The following CSRNP3 variants were observed in gnomAD, a reference collection of about 807,000 sequenced individuals.
CSRNP3 encodes cysteine/serine-rich nuclear protein 3.
In CSRNP3, 12 loss-of-function variants were observed where a neutral mutation model predicts 48.0. The observed-to-expected ratio is 0.25, with a 90% CI of 0.16 to 0.41. The LOEUF is 0.41. Ranked by LOEUF, CSRNP3 falls within the 10% of genes least tolerant of loss-of-function variation. CSRNP3 has a pLI of 1.00. For synonymous variants in CSRNP3, 263 were observed against 269.7 expected (o/e 0.98, Z 0.24); for missense variants, 580 against 724.4 (o/e 0.80, Z 2.29).
chr2:165,594,957 G>A (rs1000024753), intron 3 of CSRNP3, 86 bp from the exon 4 acceptor site: 1 of 1,186,368 alleles, frequency 8.4e-7, no homozygotes, highest in African/African-American at 1.5e-5. Flanking sequence ...TGTATAAAAA[G>A]CCACATAAAA....
intron 1 of CSRNP3, among the ~76,000 whole-genome samples, chr2:165,482,762 A>G (rs984233548): frequency 6.6e-6 from 1 of 152,160 alleles, no homozygotes; most frequent in Admixed American, 6.5e-5. Context: ...GATAAAAATC[A>G]ATGTTCTCAT....
At chr2:165,536,266 A>G (rs187376725) in intron 3 of CSRNP3, among the ~76,000 whole-genome samples, 4 of 151,968 alleles carry the variant, frequency 2.6e-5, no homozygotes, top group African/African-American at 9.7e-5. Context: ...TTGAAAATGC[A>G]GATTCATCTG....
chr2:165,686,151 A>G lies in CSRNP3; in HGVS notation c.*6398A>G, dbSNP rs1266481354. The G allele has an allele frequency of 1.3e-5, 2 of 151,974 alleles. No individual in the cohort carries two copies. Among genetic ancestry groups the G allele is most frequent in the Non-Finnish European group, 2.9e-5 (2 of 67,966 alleles). The allele number at this position is 151,974 out of a possible 1,614,324, so 9.4% of individuals were successfully genotyped here. On this transcript the variant is annotated 3_prime_UTR_variant, in exon 7 of 7. Transcript: ENST00000651982. ...GGATTATCTTAAAAGGTATTTATTA[A>G]TGAGTATTTGGAAGAAAATTGACCT...
chr2:165,552,919 C>A (rs1311687096), intron 3 of CSRNP3, among the ~76,000 whole-genome samples: 1 of 152,054 alleles, frequency 6.6e-6, no homozygotes, highest in Admixed American at 6.6e-5. Flanking sequence ...GTCTTGAATG[C>A]CTGACCTCAG....
intron 4 of CSRNP3, among the ~76,000 whole-genome samples, chr2:165,604,937 T>C (rs1384607905): frequency 6.6e-6 from 1 of 152,174 alleles, no homozygotes; most frequent in African/African-American, 2.4e-5. Context: ...ATTATTTCTG[T>C]CTTCTTATAT....
chr2:165,564,150 A>G lies in CSRNP3; in HGVS notation c.-23-30893A>G, dbSNP rs1470313197. 2.1e-4 allele frequency among the ~76,000 whole-genome samples: 32 copies of G among 152,140 alleles called. 1 individual carries two copies. The highest frequency in any genetic ancestry group is 2.1e-3 in the Admixed American group (32 of 15,260). ...TGTGATTTCTTACAGAAAATTTTCA[A>G]AGAAATCTGTTCATCAATCAAAGCA... On this transcript the variant is annotated intron_variant, in intron 3 of 6. Transcript: ENST00000651982.
Position 165,651,024 on chromosome 2 carries a change from C to T in CSRNP3, c.149-6737C>T, listed in dbSNP as rs181078240. Among the ~76,000 whole-genome samples, 5 of 152,302 alleles carry T rather than the reference C, an allele frequency of 3.3e-5. No individual in the cohort carries two copies. The East Asian group carries it at 9.6e-4, about 29-fold the overall frequency. On this transcript the variant is annotated intron_variant, in intron 4 of 6. Coordinates refer to ENST00000651982, the MANE Select transcript of CSRNP3 (RefSeq NM_001172173.2). ...GCAGGACTTTGCTGATAGGTGTTGACATAAAAAACAACAAGTGTACTTAAA... is the reference window on the plus strand; with the variant it reads ...GCAGGACTTTGCTGATAGGTGTTGATATAAAAAACAACAAGTGTACTTAAA...
intron 3 of CSRNP3, among the ~76,000 whole-genome samples, chr2:165,572,186 G>A (rs1558937661): frequency 6.6e-6 from 1 of 152,012 alleles, no homozygotes; most frequent in African/African-American, 2.4e-5. Context: ...ATTTCCATAA[G>A]TTGTGCTGCA....
intron 3 of CSRNP3, among the ~76,000 whole-genome samples, chr2:165,520,201 T>G (rs1189613203): frequency 6.6e-6 from 1 of 152,198 alleles, no homozygotes; most frequent in Non-Finnish European, 1.5e-5. Context: ...ATCAATTTTG[T>G]GCAATCATTA....
chr2:165,479,709 A>AC (rs1684013760), intron 1 of CSRNP3, among the ~76,000 whole-genome samples: 2 of 151,910 alleles, frequency 1.3e-5, no homozygotes, highest in South Asian at 2.1e-4. Flanking sequence ...ACATAGTGAG[A>AC]CCCCATCCCT....
intron 5 of CSRNP3, among the ~76,000 whole-genome samples, chr2:165,659,539 C>T (rs568330970): frequency 1.3e-5 from 2 of 152,180 alleles, no homozygotes; most frequent in East Asian, 1.9e-4. Flanking sequence ...CAAGAGATGT[C>T]AGGAAGGTAT....
chr2:165,622,277 T>C (rs1023262656), intron 4 of CSRNP3, among the ~76,000 whole-genome samples: 9 of 152,228 alleles, frequency 5.9e-5, no homozygotes, highest in African/African-American at 2.2e-4. Flanking sequence ...CGTTTGGCTT[T>C]ATACATCTTT....
rs563868095 is a variant in CSRNP3 at position 165,657,916 on chromosome 2, C to A, written c.304C>A (p.Arg102Ser). The A allele has an allele frequency of 6.2e-7, 1 of 1,614,066 alleles. No homozygotes were observed. Among genetic ancestry groups the A allele is most frequent in the Non-Finnish European group, 8.5e-7 (1 of 1,179,990 alleles). ...LGMSSRHNSV[R>S]QYTLGEFARE... ...GATGTCCAGCCGCCATAACAGCGTGCGCCAGTACACTCTTGGCGAGTTTGC... is the reference window on the plus strand; with the variant it reads ...GATGTCCAGCCGCCATAACAGCGTGAGCCAGTACACTCTTGGCGAGTTTGC... Residue 102 changes from arginine (R) to serine (S), a missense_variant, in exon 5 of 7, where the codon CGC (arginine) becomes AGC (serine). Coordinates refer to ENST00000651982, the MANE Select transcript of CSRNP3 (RefSeq NM_001172173.2).
intron 3 of CSRNP3, among the ~76,000 whole-genome samples, chr2:165,543,758 C>T (rs1684987671): frequency 1.3e-5 from 2 of 151,798 alleles, no homozygotes; most frequent in South Asian, 2.1e-4. Flanking sequence ...AATAGCATCA[C>T]GTAAAATGGG....
chr2:165,630,502 A>T (rs1244870317), intron 4 of CSRNP3, among the ~76,000 whole-genome samples: 1 of 152,162 alleles, frequency 6.6e-6, no homozygotes, highest in African/African-American at 2.4e-5. Context: ...AACTGCAGTG[A>T]GTGGTGGACT....
intron 3 of CSRNP3, among the ~76,000 whole-genome samples, chr2:165,547,112 C>T (rs959340025): frequency 6.6e-6 from 1 of 152,122 alleles, no homozygotes; most frequent in Non-Finnish European, 1.5e-5. Flanking sequence ...AAAAACTGCT[C>T]TCTTGGTATT....
At chr2:165,486,628 T>TCCCTGAC (rs1197494925) in intron 1 of CSRNP3, among the ~76,000 whole-genome samples, 100 of 85,268 alleles carry the variant, frequency 1.2e-3, no homozygotes, top group Admixed American at 2.3e-3. Flanking sequence ...CTCAAGTGGG[T>TCCCTGAC]CCCTGACCCC....
chr2:165,495,377 T>G (rs995250043), intron 2 of CSRNP3, among the ~76,000 whole-genome samples: 1 of 152,064 alleles, frequency 6.6e-6, no homozygotes, highest in Non-Finnish European at 1.5e-5. Context: ...CTTGAAAGCC[T>G]TGAGATCCTA....
intron 3 of CSRNP3, among the ~76,000 whole-genome samples, chr2:165,544,148 G>A (rs1037797566): frequency 5.9e-5 from 9 of 152,068 alleles, no homozygotes; most frequent in Admixed American, 1.3e-4. Flanking sequence ...GAGTAGAGGG[G>A]CAGAGTGACT....
Sources: gnomAD v4.1 joint callset for allele counts (sites outside exome capture counted in the v4.1 genomes callset) on GRCh38, gnomAD v4.1.1 for gene constraint, MANE v1.5 for transcripts, NCBI Gene and HGNC (gene_info 2026-07-23, HGNC 2026-07-21) for gene names.